FBN2: variants seen among roughly 807,000 people sequenced by gnomAD.
FBN2 encodes fibrillin 2.
FBN2 carries 105 observed loss-of-function variants against 355.6 expected under a neutral mutation model. The observed-to-expected ratio is 0.30, with a 90% CI of 0.25 to 0.35. The LOEUF (loss-of-function observed/expected upper bound fraction) is 0.35. Among genes scored for constraint, FBN2 ranks in the 10% least tolerant of loss-of-function variants. FBN2 has a pLI of 1.00. For synonymous variants in FBN2, 1,350 were observed against 1,301.2 expected (o/e 1.04, Z -0.81); for missense variants, 3,280 against 3,758.7 (o/e 0.87, Z 3.33).
At chr5:128,463,483 T>C (rs549669108) in intron 6 of FBN2, among the ~76,000 whole-genome samples, 4 of 152,274 alleles carry the variant, frequency 2.6e-5, no homozygotes, top group Admixed American at 2.0e-4. Context: ...GTTTTAGTTA[T>C]ATAGTCATCC....
chr5:128,507,246 T>C (rs1755987274), intron 5 of FBN2, among the ~76,000 whole-genome samples: 3 of 152,064 alleles, frequency 2.0e-5, no homozygotes. Flanking sequence ...ATTCAATTTA[T>C]TTAATTGATA....
intron 6 of FBN2, among the ~76,000 whole-genome samples, chr5:128,449,883 T>C (rs1754192132): frequency 1.3e-5 from 2 of 152,078 alleles, no homozygotes; most frequent in Non-Finnish European, 1.5e-5. Context: ...GGAATGGCTA[T>C]GTTAATACTA....
intron 5 of FBN2, among the ~76,000 whole-genome samples, chr5:128,470,868 C>T (rs574034430): frequency 6.6e-6 from 1 of 152,174 alleles, no homozygotes; most frequent in Non-Finnish European, 1.5e-5. Flanking sequence ...AAGCTTCCCA[C>T]ATACTTTAAT....
At chr5:128,395,702 T>C (rs116350682) in intron 8 of FBN2, among the ~76,000 whole-genome samples, 122 of 152,334 alleles carry the variant, frequency 8.0e-4, no homozygotes, top group African/African-American at 2.9e-3. Context: ...GCATGAGCCA[T>C]GGAAGTATCT....
At chr5:128,273,255 T>G (rs565219383) in intron 61 of FBN2, among the ~76,000 whole-genome samples, 1 of 152,352 alleles carries the variant, frequency 6.6e-6, no homozygotes, top group South Asian at 2.1e-4. Context: ...GAAATTTTCT[T>G]AACTGCAAGC....
chr5:128,278,782 T>A lies in FBN2; in HGVS notation c.7198A>T (p.Ser2400Cys). ...VLQTICQMAS[S>C]SRNLVTKSEC... ...GACTTAGTGACGAGATTGCGACTACTGGATGCCATTTGACATATTGTCTGC... is the reference window on the plus strand; with the variant it reads ...GACTTAGTGACGAGATTGCGACTACAGGATGCCATTTGACATATTGTCTGC... Residue 2400 changes from serine (S) to cysteine (C), a missense_variant, in exon 57 of 65, where the codon AGT (serine) becomes TGT (cysteine). Transcript: ENST00000262464. 6.2e-7 allele frequency: 1 copy of A among 1,614,126 alleles called. No individual in the cohort carries two copies. The highest frequency in any genetic ancestry group is 1.1e-5 in the South Asian group (1 of 91,076).
chr5:128,420,547 T>C (rs964485799), intron 7 of FBN2, among the ~76,000 whole-genome samples: 13 of 152,166 alleles, frequency 8.5e-5, no homozygotes, highest in African/African-American at 2.9e-4. Context: ...AGTATATACA[T>C]TGATCAAAGG....
intron 20 of FBN2, among the ~76,000 whole-genome samples, chr5:128,353,324 C>T (rs1751418395): frequency 6.6e-6 from 1 of 152,044 alleles, no homozygotes; most frequent in South Asian, 2.1e-4. Flanking sequence ...ACCAACAACC[C>T]AAACACCAAG....
intron 23 of FBN2, among the ~76,000 whole-genome samples, chr5:128,347,859 A>G (rs1751226799): frequency 6.6e-6 from 1 of 151,964 alleles, no homozygotes; most frequent in Non-Finnish European, 1.5e-5. Context: ...GCTCACTGCA[A>G]TCTCCACTTC....
chr5:128,301,065 A>C (rs1176423149), intron 47 of FBN2, 129 bp from the exon 48 acceptor site: 3 of 820,910 alleles, frequency 3.7e-6, no homozygotes, highest in East Asian at 5.3e-5. Context: ...ACCATGAACA[A>C]ATATTACCAA....
intron 48 of FBN2, among the ~76,000 whole-genome samples, chr5:128,296,034 T>C (rs896666442): frequency 6.6e-6 from 1 of 151,966 alleles, no homozygotes; most frequent in African/African-American, 2.4e-5. Flanking sequence ...TTATTGAGAG[T>C]TTTTAGCATG....
At chr5:128,476,055 T>C (rs1403193551) in intron 5 of FBN2, among the ~76,000 whole-genome samples, 6 of 152,110 alleles carry the variant, frequency 3.9e-5, no homozygotes, top group African/African-American at 1.4e-4. Flanking sequence ...TTTGTACAAT[T>C]TAGACATTAC....
At chr5:128,497,830 T>C (rs1755697474) in intron 5 of FBN2, among the ~76,000 whole-genome samples, 1 of 152,208 alleles carries the variant, frequency 6.6e-6, no homozygotes, top group South Asian at 2.1e-4. Context: ...AAAAAAATTA[T>C]TAGCCATTTG....
At chr5:128,502,753 T>A (rs548323334) in intron 5 of FBN2, among the ~76,000 whole-genome samples, 1 of 152,334 alleles carries the variant, frequency 6.6e-6, no homozygotes, top group East Asian at 1.9e-4. Flanking sequence ...TTATATAATG[T>A]TGAAAGTAAA....
chr5:128,515,045 T>C (rs1756242566), intron 5 of FBN2, among the ~76,000 whole-genome samples: 1 of 152,200 alleles, frequency 6.6e-6, no homozygotes, highest in African/African-American at 2.4e-5. Context: ...CTGAATACTT[T>C]ATAATACATT....
At chr5:128,416,026 C>CTTT (rs869186696) in intron 7 of FBN2, among the ~76,000 whole-genome samples, 41 of 132,422 alleles carry the variant, frequency 3.1e-4, no homozygotes, top group Non-Finnish European at 8.2e-5. Flanking sequence ...ATAGTTTGCA[C>CTTT]TTTTTTTTTT....
Position 128,275,946 on chromosome 5 carries a change from AT to A in FBN2, c.7594+91del, listed in dbSNP as rs1765384684. On this transcript the variant is annotated intron_variant, in intron 59 of 64. Transcript: ENST00000262464. ...AGGATGGGACCTTTTAATGAAGGTG[AT>A]GCACATGGCATAATTCCTGATAATC... is the stretch of plus-strand genomic sequence containing the variant. The A allele has an allele frequency of 2.8e-6, 4 of 1,408,636 alleles. No homozygotes were observed. In the South Asian group the frequency reaches 4.6e-5, roughly 16 times the overall value. 87.3% of individuals were successfully genotyped at this position (1,408,636 alleles called of 1,614,324 possible).
At position 128,339,053 on chromosome 5, in the gene FBN2, C is replaced by G; in HGVS notation, c.3352G>C (p.Glu1118Gln). ...CAGAGGTCAGGAGAAATCCTGCACT[C>G]GTCGATGTCTAATTCACAGGGTTTA... Reference protein sequence around the residue: ...MEERNCTDIDECRISPDLCGS... With the variant: ...MEERNCTDIDQCRISPDLCGS... Residue 1118 changes from glutamate to glutamine, a missense_variant, in exon 26 of 65, where the codon GAG becomes CAG. Transcript: ENST00000262464. 1 of 1,613,930 alleles carries G rather than the reference C, an allele frequency of 6.2e-7. No homozygotes were observed. The highest frequency in any genetic ancestry group is 8.5e-7 in the Non-Finnish European group (1 of 1,179,894).
intron 20 of FBN2, among the ~76,000 whole-genome samples, chr5:128,356,282 G>C (rs1018308202): frequency 6.6e-6 from 1 of 152,182 alleles, no homozygotes. Context: ...TGTTTCCAAA[G>C]AGAAGGTTTT....
Sources: gnomAD v4.1 joint callset for allele counts (sites outside exome capture counted in the v4.1 genomes callset) on GRCh38, gnomAD v4.1.1 for gene constraint, MANE v1.5 for transcripts, NCBI Gene and HGNC (gene_info 2026-07-23, HGNC 2026-07-21) for gene names.